Variants in RORB observed in about 807,000 individuals in gnomAD.
The protein encoded by RORB is RAR related orphan receptor B.
A neutral mutation model predicts 59.1 loss-of-function variants in RORB; 6 were observed. The observed-to-expected ratio is 0.10, with a 90% CI of 0.06 to 0.20. The LOEUF is 0.20. RORB is among the 10% of genes least tolerant of loss of function. The pLI, the probability that RORB is intolerant of heterozygous loss-of-function variation, is 1.00. For missense variants in RORB, 320 were observed against 560.5 expected, an observed-to-expected ratio of 0.57 and a Z score of 4.33; for synonymous variants, 215 against 204.5, an observed-to-expected ratio of 1.05 and a Z score of -0.44.
At chr9:74,568,261 A>ATT (rs756265351) in intron 1 of RORB, among the ~76,000 whole-genome samples, 3 of 147,704 alleles carry the variant, frequency 2.0e-5, no homozygotes, top group Admixed American at 6.8e-5. Flanking sequence ...CTATTTATGT[A>ATT]TTTTTTTTTT....
At chr9:74,511,321 G>A (rs753587514) in intron 1 of RORB, among the ~76,000 whole-genome samples, 1 of 152,082 alleles carries the variant, frequency 6.6e-6, no homozygotes, top group South Asian at 2.1e-4. Context: ...ATGCAAAATT[G>A]TATGTACTAT....
At chr9:74,615,519 G>A in intron 1 of RORB, 1 of 383,394 alleles carries the variant, frequency 2.6e-6, no homozygotes, top group South Asian at 1.9e-5. Context: ...TGAAGTTGTG[G>A]GTTAACGCAG....
At chr9:74,514,529 T>C (rs576456207) in intron 1 of RORB, among the ~76,000 whole-genome samples, 2 of 152,118 alleles carry the variant, frequency 1.3e-5, no homozygotes, top group Admixed American at 1.3e-4. Context: ...ACAGGATATA[T>C]GTCTTATTGA....
At chr9:74,550,862 T>C (rs1384443226) in intron 1 of RORB, among the ~76,000 whole-genome samples, 1 of 152,224 alleles carries the variant, frequency 6.6e-6, no homozygotes, top group African/African-American at 2.4e-5. Context: ...CAAATTGACA[T>C]GTTCTATAAG....
At chr9:74,524,552 T>A (rs1328599095) in intron 1 of RORB, among the ~76,000 whole-genome samples, 1 of 152,008 alleles carries the variant, frequency 6.6e-6, no homozygotes, top group Non-Finnish European at 1.5e-5. Context: ...AAGATTCCAC[T>A]AATTTATAGA....
chr9:74,677,688 C>T (rs1344257225), intron 9 of RORB, among the ~76,000 whole-genome samples: 1 of 152,184 alleles, frequency 6.6e-6, no homozygotes, highest in Non-Finnish European at 1.5e-5. Flanking sequence ...ATCTTCTTAT[C>T]CAGGTGAGGA....
chr9:74,617,427 T>G (rs1037755836), intron 1 of RORB, among the ~76,000 whole-genome samples: 1 of 152,192 alleles, frequency 6.6e-6, no homozygotes, highest in East Asian at 1.9e-4. Flanking sequence ...TAAGGGACAG[T>G]CGACATGTTC....
chr9:74,530,470 C>A (rs1563929487), intron 1 of RORB, among the ~76,000 whole-genome samples: 1 of 151,952 alleles, frequency 6.6e-6, no homozygotes, highest in Non-Finnish European at 1.5e-5. Flanking sequence ...TCTTTCTTGT[C>A]AGGTAGATCC....
At chr9:74,503,470 A>G (rs1391191431) in intron 1 of RORB, among the ~76,000 whole-genome samples, 1 of 152,078 alleles carries the variant, frequency 6.6e-6, no homozygotes, top group Non-Finnish European at 1.5e-5. Context: ...AAACTCAAAC[A>G]TATTTAGAGA....
intron 1 of RORB, among the ~76,000 whole-genome samples, chr9:74,579,185 C>T (rs939869670): frequency 6.6e-6 from 1 of 151,806 alleles, no homozygotes; most frequent in African/African-American, 2.4e-5. Context: ...AAGAAGCATC[C>T]CATTTCATAG....
chr9:74,615,635 C>G, intron 1 of RORB: 1 of 453,914 alleles, frequency 2.2e-6, no homozygotes, highest in South Asian at 1.6e-5. Context: ...AAGCTGACGC[C>G]ACTGGTGAGT....
At chr9:74,553,392 A>G (rs1311168616) in intron 1 of RORB, among the ~76,000 whole-genome samples, 3 of 152,154 alleles carry the variant, frequency 2.0e-5, no homozygotes, top group Non-Finnish European at 4.4e-5. Flanking sequence ...CTTTTTACCA[A>G]TAAGAATTTT....
intron 9 of RORB, among the ~76,000 whole-genome samples, chr9:74,674,762 A>T (rs976900293): frequency 3.9e-5 from 6 of 152,196 alleles, no homozygotes; most frequent in African/African-American, 1.4e-4. Flanking sequence ...TTAGGGGAAA[A>T]AAAAACCCTA....
At chr9:74,567,459 AC>A (rs1822486201) in intron 1 of RORB, among the ~76,000 whole-genome samples, 2 of 152,184 alleles carry the variant, frequency 1.3e-5, no homozygotes, top group Non-Finnish European at 2.9e-5. Context: ...TGCTGAGCTC[AC>A]ATAACCAAGA....
At chr9:74,595,811 G>A (rs1432206435) in intron 1 of RORB, among the ~76,000 whole-genome samples, 1 of 152,276 alleles carries the variant, frequency 6.6e-6, no homozygotes, top group Non-Finnish European at 1.5e-5. Context: ...AGGTTGAGGA[G>A]CTGGAGTTTT....
At chr9:74,576,310 G>C (rs186464429) in intron 1 of RORB, among the ~76,000 whole-genome samples, 1 of 152,170 alleles carries the variant, frequency 6.6e-6, no homozygotes, top group Admixed American at 6.6e-5. Context: ...GCTCCTGTCT[G>C]TAACAGCTAA....
chr9:74,640,056 A>G (rs753484716), intron 3 of RORB, among the ~76,000 whole-genome samples: 3 of 152,188 alleles, frequency 2.0e-5, no homozygotes, highest in Non-Finnish European at 4.4e-5. Flanking sequence ...GTTAAAAACA[A>G]CCATCTAAAT....
chr9:74,532,803 CGTATATATATACACATATATATGT>C (rs1220190072), intron 1 of RORB, among the ~76,000 whole-genome samples: 3 of 140,230 alleles, frequency 2.1e-5, no homozygotes, highest in African/African-American at 2.7e-5. Context: ...TACATAGATA[CGTATATATATACACATATATATGT>C]GTATATATAT....
chr9:74,624,378 G>A (rs1260492748), intron 1 of RORB, among the ~76,000 whole-genome samples: 2 of 152,206 alleles, frequency 1.3e-5, no homozygotes, highest in Non-Finnish European at 2.9e-5. Flanking sequence ...TAGACAGGAA[G>A]CTGATGTTGA....
Sources: allele counts gnomAD v4.1 joint callset (sites outside exome capture counted in the v4.1 genomes callset), GRCh38; gene constraint gnomAD v4.1.1; transcripts MANE v1.5; gene names NCBI Gene and HGNC (gene_info 2026-07-23, HGNC 2026-07-21).